DSCAML1: variants seen among roughly 807,000 people sequenced by gnomAD.
DSCAML1 encodes cell adhesion molecule DSCAML1.
DSCAML1 carries 38 observed loss-of-function variants against 200.5 expected under a neutral mutation model. The ratio of observed to expected loss-of-function variants is 0.19; its 90% CI spans 0.15 to 0.25. The LOEUF (loss-of-function observed/expected upper bound fraction) is 0.25, where lower values mean the gene tolerates loss of function less well. DSCAML1 is among the 10% of genes least tolerant of loss of function. DSCAML1 has a pLI of 1.00. For synonymous variants in DSCAML1, 1,215 were observed against 1,165.0 expected, an observed-to-expected ratio of 1.04 and a Z score of -0.87; for missense variants, 2,223 against 2,858.8, an observed-to-expected ratio of 0.78 and a Z score of 5.07.
Position 117,480,670 on chromosome 11 carries a change from G to A in DSCAML1, c.2657-99C>T. The A allele has an allele frequency of 7.1e-6, 10 of 1,413,700 alleles. No individual in the cohort carries two copies. The highest frequency in any genetic ancestry group is 9.6e-6 in the Non-Finnish European group (10 of 1,039,356). 87.6% of individuals were successfully genotyped at this position (1,413,700 alleles called of 1,614,324 possible). On this transcript the variant is annotated intron_variant, in intron 13 of 32. Coordinates refer to ENST00000651296, the MANE Select transcript of DSCAML1 (RefSeq NM_020693.4). This position sits in a 1 kb window ranked among gnomAD's most constrained non-coding sequence, Gnocchi z 4.1. ...ATTGGCATCACCTGGGTCTAGCCAA[G>A]GACTCTGGCACCCTAGGGTTTGAGC...
intron 3 of DSCAML1, among the ~76,000 whole-genome samples, chr11:117,690,824 G>C (rs2137718902): frequency 6.6e-6 from 1 of 152,334 alleles, no homozygotes; most frequent in African/African-American, 2.4e-5. Context: ...GGAACCCTGG[G>C]AAGAAAGAGG....
chr11:117,429,169 C>T (rs1189503902), intron 32 of DSCAML1, among the ~76,000 whole-genome samples: 2 of 152,188 alleles, frequency 1.3e-5, no homozygotes, highest in African/African-American at 4.8e-5. Context: ...GAGCTCACTA[C>T]TGCTAAGGAC....
At chr11:117,781,076 C>T (rs943525614) in intron 1 of DSCAML1, among the ~76,000 whole-genome samples, 3 of 152,092 alleles carry the variant, frequency 2.0e-5, no homozygotes, top group Non-Finnish European at 2.9e-5. Flanking sequence ...GCGGGCGGAT[C>T]ACCTGAGGTC....
intron 32 of DSCAML1, among the ~76,000 whole-genome samples, chr11:117,429,612 G>A (rs552742852): frequency 3.2e-4 from 48 of 152,304 alleles, no homozygotes; most frequent in African/African-American, 1.1e-3. Flanking sequence ...GATCTCAGGT[G>A]ATCCGCCTGC....
chr11:117,474,761 T>G (rs1261471311), intron 14 of DSCAML1, among the ~76,000 whole-genome samples: 6 of 151,408 alleles, frequency 4.0e-5, no homozygotes, highest in Non-Finnish European at 8.9e-5. Flanking sequence ...TTTTTCCTTT[T>G]TTTTTTTTTT....
intron 3 of DSCAML1, among the ~76,000 whole-genome samples, chr11:117,602,008 C>T (rs1013836096): frequency 6.6e-6 from 1 of 152,250 alleles, no homozygotes; most frequent in Non-Finnish European, 1.5e-5. Flanking sequence ...ACATTCCCTG[C>T]TGCTGTAATG....
intron 3 of DSCAML1, 73 bp from the exon 4 acceptor site, chr11:117,532,595 G>T (rs2137345104): frequency 6.9e-7 from 1 of 1,442,236 alleles, no homozygotes; most frequent in Non-Finnish European, 9.4e-7. Flanking sequence ...TAGCGTCTCT[G>T]ACAGATGAGG....
At chr11:117,635,554 G>A (rs2052265016) in intron 3 of DSCAML1, among the ~76,000 whole-genome samples, 2 of 151,664 alleles carry the variant, frequency 1.3e-5, no homozygotes, top group African/African-American at 2.4e-5. Context: ...AGGAGGGGAC[G>A]AGGCTCAGAA....
In DSCAML1 at chr11:117,428,363, C is replaced by A. The variant is rs143875346; in HGVS notation, c.6127G>T (p.Ala2043Ser). 2 of 1,583,706 alleles carry A rather than the reference C, an allele frequency of 1.3e-6. No homozygotes were observed. Among genetic ancestry groups the A allele is most frequent in the Admixed American group, 3.6e-5 (2 of 54,878 alleles). The change falls in exon 33 of 33, where the codon GCC becomes TCC. Residue 2043 changes from alanine to serine, a missense_variant. Around this residue, in one of 7 missense-constraint regions of DSCAML1, gnomAD observed 280 missense variants for 213.4 expected, o/e 1.31. Coordinates refer to ENST00000651296, the MANE Select transcript of DSCAML1 (RefSeq NM_020693.4). ...SGVGRSQKQG[A>S]GAYSKSYTLV ...GTGTAGGATTTGGAGTAGGCCCCGG[C>A]CCCCTGCTTCTGAGACCTCCCTACC...
chr11:117,769,574 A>G lies in DSCAML1; in HGVS notation c.511+7217T>C, dbSNP rs534810689. Among the ~76,000 whole-genome samples, 259 of 125,310 alleles carry G rather than the reference A, an allele frequency of 2.1e-3. 10 individuals are homozygous for G. The highest frequency in any genetic ancestry group is 7.7e-3 in the African/African-American group (249 of 32,496). The allele number at this position is 125,310 out of a possible 152,430, so 82.2% of individuals were successfully genotyped here. A position where few individuals can be genotyped will look rare whatever the true frequency, so the allele number is the denominator to read the frequency against. On this transcript the variant is annotated intron_variant, in intron 3 of 32. Transcript: ENST00000651296. Reference sequence around the variant, plus strand: ...TATATATATATTTTATATATATTATATATTTTTTATATATATATAGTATGT... The same window carrying G: ...TATATATATATTTTATATATATTATGTATTTTTTATATATATATAGTATGT...
chr11:117,709,063 G>T (rs781762734), intron 3 of DSCAML1, among the ~76,000 whole-genome samples: 18 of 152,140 alleles, frequency 1.2e-4, no homozygotes, highest in Non-Finnish European at 1.9e-4. Flanking sequence ...TTCACCTCAT[G>T]GACTTTTCAT....
chr11:117,623,370 T>C (rs775892571), intron 3 of DSCAML1, among the ~76,000 whole-genome samples: 1 of 152,040 alleles, frequency 6.6e-6, no homozygotes, highest in Non-Finnish European at 1.5e-5. Context: ...GAGTGCGCCA[T>C]GACACCAGCT....
intron 3 of DSCAML1, among the ~76,000 whole-genome samples, chr11:117,577,013 A>G: frequency 6.6e-6 from 1 of 152,206 alleles, no homozygotes; most frequent in East Asian, 1.9e-4. Context: ...CTTCTTCTAT[A>G]TGGCAAATCA....
rs1294974246 is a variant in DSCAML1, at chr11:117,461,650, C to T, written c.3266-54G>A. The stretch of plus-strand genomic sequence containing the variant: ...TCCAGTCAGTCATGGATGTGAGTGA[C>T]AGTACAGCAATTGTGTCCCAGGCTG... On this transcript the variant is annotated intron_variant, in intron 17 of 32. Transcript: ENST00000651296. 58 of 1,561,434 alleles carry T rather than the reference C, an allele frequency of 3.7e-5. 1 individual carries two copies. Among genetic ancestry groups the T allele is most frequent in the Non-Finnish European group, 3.5e-6 (4 of 1,149,148 alleles).
chr11:117,794,915 G>A (rs2055542540), intron 1 of DSCAML1, among the ~76,000 whole-genome samples: 1 of 152,158 alleles, frequency 6.6e-6, no homozygotes, highest in African/African-American at 2.4e-5. Context: ...ACCGGGCTCT[G>A]CAGACCCAAA....
intron 3 of DSCAML1, among the ~76,000 whole-genome samples, chr11:117,711,762 C>A (rs1239734353): frequency 1.3e-5 from 2 of 152,198 alleles, no homozygotes; most frequent in Non-Finnish European, 2.9e-5. Flanking sequence ...CACAATGAAG[C>A]CACTTCTCCT....
In DSCAML1 at chr11:117,569,322, T is replaced by G. The variant is rs373867240; in HGVS notation, c.512-36800A>C. ...GACATAGGCATGGGCAAGGACTTCA[T>G]GTCTAAAACACCGAAAGCAATGGCA... On this transcript the variant is annotated intron_variant, in intron 3 of 32. Transcript: ENST00000651296. Among the ~76,000 whole-genome samples, 915 of 152,350 alleles carry G rather than the reference T, an allele frequency of 6.0e-3. 4 individuals are homozygous for G. Among genetic ancestry groups the G allele is most frequent in the African/African-American group, 0.019 (781 of 41,578 alleles).
chr11:117,798,100 G>A (rs974786248), upstream of DSCAML1, among the ~76,000 whole-genome samples: 2 of 152,196 alleles, frequency 1.3e-5, no homozygotes, highest in Non-Finnish European at 2.9e-5. Flanking sequence ...CCCTCCTTTC[G>A]TCTTAATTCC....
Position 117,480,500 on chromosome 11 carries a change from G to A in DSCAML1, c.2728C>T (p.Arg910Ter), listed in dbSNP as rs1309836041. 1.9e-6 allele frequency: 3 copies of A among 1,609,198 alleles called. No individual in the cohort carries two copies. The highest frequency in any genetic ancestry group is 1.7e-5 in the Admixed American group (1 of 59,336). ...ARSMNLRWTQRFDGNSIITGF... is the reference protein window; with the variant it reads ...ARSMNLRWTQ ...GTGATGATGCTGTTCCCGTCGAATC[G>A]CTGGGTCCAGCGCAGGTTCATGCTC... Residue 910 changes from arginine (R) to a stop codon, truncating the protein, a stop_gained, in exon 14 of 33, where the codon CGA becomes TGA. Coordinates refer to ENST00000651296, the MANE Select transcript of DSCAML1 (RefSeq NM_020693.4). LOFTEE classifies it high-confidence loss of function. The surrounding 1 kb of genome is among the most constrained non-coding windows in gnomAD (Gnocchi z 4.1).
Sources: gnomAD v4.1 joint callset for allele counts (sites outside exome capture counted in the v4.1 genomes callset) on GRCh38, gnomAD v4.1.1 for gene constraint, gnomAD v4.1.1 regional missense constraint, Gnocchi (gnomAD v3.1) non-coding constraint, MANE v1.5 for transcripts, NCBI Gene and HGNC (gene_info 2026-07-23, HGNC 2026-07-21) for gene names.